The following CREBBP variants were observed in gnomAD, a reference collection of about 807,000 sequenced individuals.
CREBBP encodes CREB binding lysine acetyltransferase, also known as CREB-binding protein.
Under a neutral mutation model 265.0 loss-of-function variants are expected in CREBBP, and 19 were observed. The observed-to-expected ratio is 0.07, with a 90% CI of 0.05 to 0.11. The LOEUF is 0.11. CREBBP is among the 10% of genes least tolerant of loss of function. The probability of loss-of-function intolerance (pLI) is 1.00; values close to 1 mark genes in which losing one functional copy is unlikely to be tolerated. For missense variants in CREBBP, 2,525 were observed against 3,219.0 expected, an observed-to-expected ratio of 0.78 and a Z score of 5.22; for synonymous variants, 1,457 against 1,223.7, an observed-to-expected ratio of 1.19 and a Z score of -3.98.
intron 16 of CREBBP, among the ~76,000 whole-genome samples, 160 bp from the exon 17 acceptor site, chr16:3,759,132 T>C (rs529269949): frequency 3.9e-5 from 6 of 152,316 alleles, no homozygotes; most frequent in South Asian, 2.1e-4. Context: ...CTAAAGCTTC[T>C]GAAAACACAC....
chr16:3,747,563 G>C (rs758521748), intron 21 of CREBBP, among the ~76,000 whole-genome samples: 1 of 152,314 alleles, frequency 6.6e-6, no homozygotes, highest in Middle Eastern at 3.4e-3. Context: ...TTACCCAGCT[G>C]TCTCTCTAGA....
rs753514648 is a variant in CREBBP at position 3,770,674 on chromosome 16, C to T, written c.2776G>A (p.Val926Met). 6.2e-6 allele frequency: 10 copies of T among 1,613,978 alleles called. No homozygotes were observed. The highest frequency in any genetic ancestry group is 8.5e-6 in the Non-Finnish European group (10 of 1,179,994). The part of the protein sequence containing the change: ...PTVQAAAQAQ[V>M]TPQPQTPVQP... ...ACTGGGGTTTGAGGCTGCGGGGTCA[C>T]CTGGGCCTGGGCTGCTGCCTGGACT... The change falls in exon 14 of 31, where the codon GTG (valine) becomes ATG (methionine). Residue 926 changes from valine to methionine, a missense_variant. Physicochemically the swap from Val to Met is conservative, Grantham distance 21. Around this residue, in one of 19 missense-constraint regions of CREBBP, gnomAD observed 548 missense variants for 533.0 expected, o/e 1.03. Transcript: ENST00000262367.
At chr16:3,734,315 C>A (rs2051995049) in intron 28 of CREBBP, among the ~76,000 whole-genome samples, 1 of 152,160 alleles carries the variant, frequency 6.6e-6, no homozygotes, top group Admixed American at 6.5e-5. Flanking sequence ...CATGTCCCTG[C>A]CCATTGTTGT....
chr16:3,744,987 G>C lies in CREBBP; in HGVS notation c.3915-26C>G. The C allele has an allele frequency of 3.3e-6, 5 of 1,532,926 alleles. No individual in the cohort carries two copies. The South Asian group carries it at 3.4e-5, about 10-fold the overall frequency. 95.0% of individuals were successfully genotyped at this position (1,532,926 alleles called of 1,614,324 possible). A position where few individuals can be genotyped will look rare whatever the true frequency, so the allele number is the denominator to read the frequency against. On this transcript the variant is annotated intron_variant, in intron 22 of 30. Transcript: ENST00000262367. ...CTGCAAAATAATAGTGGTATGATGA[G>C]ACTGTATATAATGATGTAAATTGTC... is the stretch of plus-strand genomic sequence containing the variant.
At chr16:3,825,859 A>T (rs1460166590) in intron 2 of CREBBP, among the ~76,000 whole-genome samples, 1 of 152,286 alleles carries the variant, frequency 6.6e-6, no homozygotes, top group Admixed American at 6.5e-5. Flanking sequence ...GGAAGAATTC[A>T]TAATCATATG....
chr16:3,846,927 T>C (rs1257738923), intron 2 of CREBBP, among the ~76,000 whole-genome samples: 4 of 152,232 alleles, frequency 2.6e-5, no homozygotes. Flanking sequence ...TTATGGTTGT[T>C]TGTCGTTAAA....
rs547634302 is a variant in CREBBP, at chr16:3,751,915, G to T, written c.3699-109C>A. ...GGGCAGAGCACCACGACGAAGGGGG[G>T]GCGTTGTTGGTTGATTGATGGGTCA... On this transcript the variant is annotated intron_variant, in intron 19 of 30. Coordinates refer to ENST00000262367, the MANE Select transcript of CREBBP (RefSeq NM_004380.3). The T allele has an allele frequency of 7.8e-6, 8 of 1,026,076 alleles. No homozygotes were observed. In the East Asian group the frequency reaches 1.5e-4, roughly 20 times the overall value. The allele number at this position is 1,026,076 out of a possible 1,614,324, so 63.6% of individuals were successfully genotyped here. A position where few individuals can be genotyped will look rare whatever the true frequency, so the allele number is the denominator to read the frequency against.
At chr16:3,856,025 T>C (rs1388578593) in intron 1 of CREBBP, among the ~76,000 whole-genome samples, 1 of 152,270 alleles carries the variant, frequency 6.6e-6, no homozygotes, top group Non-Finnish European at 1.5e-5. Flanking sequence ...ATGCATTGCA[T>C]GCATGTTACA....
chr16:3,879,605 G>C (rs560060947), intron 1 of CREBBP, among the ~76,000 whole-genome samples: 3 of 152,292 alleles, frequency 2.0e-5, no homozygotes, highest in South Asian at 4.1e-4. Context: ...AGGGCTGATC[G>C]GGTGCGGGGA....
rs150521808 is a variant in CREBBP, at chr16:3,775,990, C to T, written c.2159-1297G>A. 2.2e-3 allele frequency among the ~76,000 whole-genome samples: 340 copies of T among 151,990 alleles called. 2 individuals carry two copies. Among genetic ancestry groups the T allele is most frequent in the African/African-American group, 7.6e-3 (316 of 41,430 alleles). Reference sequence around the variant, plus strand: ...GGAGTGCAGTGGTGTGATCTCAACTCACTGCAGCCTCCGCCTCCTGGGTTC... The same window carrying T: ...GGAGTGCAGTGGTGTGATCTCAACTTACTGCAGCCTCCGCCTCCTGGGTTC... On this transcript the variant is annotated intron_variant, in intron 11 of 30. Coordinates refer to ENST00000262367, the MANE Select transcript of CREBBP (RefSeq NM_004380.3).
intron 5 of CREBBP, among the ~76,000 whole-genome samples, chr16:3,790,273 T>C (rs1284362654): frequency 6.6e-6 from 1 of 151,960 alleles, no homozygotes. Context: ...GATTCCAGAA[T>C]GTCACTTTAT....
At chr16:3,874,463 T>G (rs745753498) in intron 1 of CREBBP, among the ~76,000 whole-genome samples, 1 of 152,202 alleles carries the variant, frequency 6.6e-6, no homozygotes, top group African/African-American at 2.4e-5. Context: ...AGTCCTCAGA[T>G]GCCAGTCTTT....
chr16:3,859,632 G>C (rs1383821921), intron 1 of CREBBP, among the ~76,000 whole-genome samples: 3 of 152,192 alleles, frequency 2.0e-5, no homozygotes, highest in Non-Finnish European at 4.4e-5. Context: ...TTAATTTCCA[G>C]GGAAGGGAGA....
chr16:3,733,088 C>G (rs367713977), intron 28 of CREBBP, among the ~76,000 whole-genome samples: 2 of 151,936 alleles, frequency 1.3e-5, no homozygotes, highest in South Asian at 4.2e-4. Context: ...TCCAGCCGGG[C>G]GGGGTGGCTC....
In CREBBP at chr16:3,850,348, T is replaced by G. The variant is rs1178134399; in HGVS notation, c.747A>C (p.Gln249His). ...TGTTCAGTCCCGCGTGACCAGTCAT[T>G]TGCGGGGAAACCTGCGTTAGGGTCT... ...LAETLTQVSP[Q>H]MTGHAGLNTA... The change falls in exon 2 of 31, where the codon CAA becomes CAC. Residue 249 changes from glutamine (Q) to histidine (H), a missense_variant. Physicochemically the swap from Gln to His is conservative, Grantham distance 24. This residue lies in a region of CREBBP where 356 missense variants were observed against 340.4 expected (regional missense o/e 1.05). Coordinates refer to ENST00000262367, the MANE Select transcript of CREBBP (RefSeq NM_004380.3). The G allele has an allele frequency of 1.2e-6, 2 of 1,614,218 alleles. No homozygotes were observed. Among genetic ancestry groups the G allele is most frequent in the East Asian group, 4.5e-5 (2 of 44,882 alleles).
In CREBBP at chr16:3,767,657, C is replaced by T. The variant is rs2141180462; in HGVS notation, c.3250+63G>A. On this transcript the variant is annotated intron_variant, in intron 16 of 30. Transcript: ENST00000262367. ...TTCTACTTTAGCTTTTAATCCTCCA[C>T]ATGGAATCCTAACACCGTGGAAAAG... 3 of 1,605,192 alleles carry T rather than the reference C, an allele frequency of 1.9e-6. No individual in the cohort carries two copies. The South Asian group carries it at 3.3e-5, about 18-fold the overall frequency.
chr16:3,827,005 G>T (rs1323224855), intron 2 of CREBBP, among the ~76,000 whole-genome samples: 1 of 152,098 alleles, frequency 6.6e-6, no homozygotes, highest in Non-Finnish European at 1.5e-5. Context: ...TCTCAACATA[G>T]AGTCTACTCA....
At chr16:3,865,486 C>T (rs2055158621) in intron 1 of CREBBP, among the ~76,000 whole-genome samples, 1 of 152,126 alleles carries the variant, frequency 6.6e-6, no homozygotes, top group South Asian at 2.1e-4. Flanking sequence ...GAGTCAACAG[C>T]GTCTGCCTGA....
At chr16:3,843,246 G>A (rs1417054313) in intron 2 of CREBBP, among the ~76,000 whole-genome samples, 2 of 152,092 alleles carry the variant, frequency 1.3e-5, no homozygotes, top group African/African-American at 2.4e-5. Flanking sequence ...TGTAACATGT[G>A]ACTTGCCTAC....
Sources: gnomAD v4.1 joint callset for allele counts (sites outside exome capture counted in the v4.1 genomes callset) on GRCh38, gnomAD v4.1.1 for gene constraint, gnomAD v4.1.1 regional missense constraint, MANE v1.5 for transcripts, NCBI Gene and HGNC (gene_info 2026-07-23, HGNC 2026-07-21) for gene names.